FHIT: variants seen among roughly 807,000 people sequenced by gnomAD.
FHIT encodes fragile histidine triad diadenosine triphosphatase, also known as bis(5'-adenosyl)-triphosphatase.
Under a neutral mutation model 17.9 loss-of-function variants are expected in FHIT, and 19 were observed. The observed-to-expected ratio is 1.06, with a 90% CI of 0.74 to 1.56. The LOEUF (loss-of-function observed/expected upper bound fraction) is 1.56. Among genes scored for constraint, FHIT ranks in the 40% most tolerant of loss-of-function variants. The pLI, the probability that FHIT is intolerant of heterozygous loss-of-function variation, is 0.00. For synonymous variants in FHIT, 81 were observed against 69.7 expected (o/e 1.16, Z -0.81); for missense variants, 248 against 189.2 (o/e 1.31, Z -1.82).
intron 5 of FHIT, among the ~76,000 whole-genome samples, chr3:60,059,637 T>C (rs1017660067): frequency 1.3e-5 from 2 of 152,208 alleles, no homozygotes; most frequent in African/African-American, 4.8e-5. Context: ...AGCTGAATTC[T>C]TTCTCAGGAG....
At chr3:60,180,699 T>C (rs1576264061) in intron 5 of FHIT, among the ~76,000 whole-genome samples, 1 of 152,208 alleles carries the variant, frequency 6.6e-6, no homozygotes, top group South Asian at 2.1e-4. Flanking sequence ...CCTTTATAAT[T>C]TGACGTTGAT....
chr3:60,624,792 T>G (rs1309192911), intron 4 of FHIT, among the ~76,000 whole-genome samples: 2 of 152,042 alleles, frequency 1.3e-5, no homozygotes, highest in Non-Finnish European at 2.9e-5. Context: ...TGTTGTAACA[T>G]GTATCAGTAC....
At chr3:60,489,003 T>C (rs1298858523) in intron 5 of FHIT, among the ~76,000 whole-genome samples, 1 of 152,242 alleles carries the variant, frequency 6.6e-6, no homozygotes. Flanking sequence ...ATTTCCATCA[T>C]GGGTCAAGGA....
chr3:60,729,293 AG>A (rs2041980473), intron 4 of FHIT, among the ~76,000 whole-genome samples: 1 of 152,242 alleles, frequency 6.6e-6, no homozygotes. Context: ...GGAAATGAAA[AG>A]AGCCACCATT....
In FHIT at chr3:61,030,361, G is replaced by A. The variant is rs917020318; in HGVS notation, c.-111+11686C>T. The stretch of plus-strand genomic sequence containing the variant: ...AGACATTCATTCGTTCATTCAATAC[G>A]TTTGCGAGATCTGCAGTGTCATTTA... On this transcript the variant is annotated intron_variant, in intron 3 of 9. Transcript: ENST00000492590. Among the ~76,000 whole-genome samples the A allele has an allele frequency of 3.9e-5, 6 of 152,302 alleles. 1 individual carries two copies. In the South Asian group the frequency reaches 8.3e-4, roughly 21 times the overall value.
chr3:59,764,267 C>G (rs1433868276), intron 8 of FHIT, among the ~76,000 whole-genome samples: 1 of 152,134 alleles, frequency 6.6e-6, no homozygotes. Context: ...TGAATGCATA[C>G]CATATGTTTG....
intron 7 of FHIT, among the ~76,000 whole-genome samples, chr3:59,987,073 T>C (rs1709012008): frequency 7.6e-6 from 1 of 131,756 alleles, no homozygotes; most frequent in South Asian, 2.3e-4. Flanking sequence ...TCTATATATA[T>C]CTATATTATA....
chr3:61,219,845 A>C (rs1386566496), intron 1 of FHIT, among the ~76,000 whole-genome samples: 1 of 152,202 alleles, frequency 6.6e-6, no homozygotes, highest in Non-Finnish European at 1.5e-5. Context: ...TCCCTTAAAA[A>C]TAGGTCTGAA....
At chr3:59,883,762 G>A (rs1559696420) in intron 8 of FHIT, among the ~76,000 whole-genome samples, 1 of 152,210 alleles carries the variant, frequency 6.6e-6, no homozygotes, top group Non-Finnish European at 1.5e-5. Flanking sequence ...CTGGAAACTG[G>A]AAACACTACA....
chr3:60,056,416 C>T (rs932385273), intron 5 of FHIT, among the ~76,000 whole-genome samples: 1 of 152,198 alleles, frequency 6.6e-6, no homozygotes, highest in African/African-American at 2.4e-5. Flanking sequence ...GCTATTTGCA[C>T]CACCCTGTCC....
At chr3:60,655,915 G>A (rs576512151) in intron 4 of FHIT, among the ~76,000 whole-genome samples, 8 of 152,260 alleles carry the variant, frequency 5.3e-5, no homozygotes, top group Non-Finnish European at 8.8e-5. Flanking sequence ...GTGACTCCAC[G>A]TTTTGGCTAC....
chr3:61,147,688 G>A (rs2037265535), intron 2 of FHIT, among the ~76,000 whole-genome samples: 1 of 151,920 alleles, frequency 6.6e-6, no homozygotes, highest in Admixed American at 6.6e-5. Flanking sequence ...TACATCCATG[G>A]GTTTAAAATG....
chr3:61,137,574 T>C (rs531325412), intron 2 of FHIT, among the ~76,000 whole-genome samples: 3 of 152,314 alleles, frequency 2.0e-5, no homozygotes, highest in Non-Finnish European at 4.4e-5. Context: ...TAAAGATACC[T>C]GGGGCTACAA....
chr3:60,658,961 C>CG, intron 4 of FHIT, among the ~76,000 whole-genome samples: 1 of 138,188 alleles, frequency 7.2e-6, no homozygotes, highest in Middle Eastern at 3.8e-3. Flanking sequence ...ACTTCCTCAG[C>CG]TTTTTTTTTT....
At chr3:60,527,676 C>T (rs901772162) in intron 5 of FHIT, among the ~76,000 whole-genome samples, 5 of 152,212 alleles carry the variant, frequency 3.3e-5, no homozygotes, top group South Asian at 4.2e-4. Context: ...AATAATAAAG[C>T]CACTAACAGC....
chr3:60,859,904 TG>T (rs1703566843), intron 3 of FHIT, among the ~76,000 whole-genome samples: 1 of 149,962 alleles, frequency 6.7e-6, no homozygotes, highest in Non-Finnish European at 1.5e-5. Context: ...ATTAGCCAGG[TG>T]TGGTGGCACG....
At chr3:60,176,048 G>C (rs1193424631) in intron 5 of FHIT, among the ~76,000 whole-genome samples, 1 of 152,156 alleles carries the variant, frequency 6.6e-6, no homozygotes, top group Non-Finnish European at 1.5e-5. Context: ...TAAACTCAAA[G>C]TTAAATTTAA....
At chr3:60,644,457 A>G (rs1553686191) in intron 4 of FHIT, among the ~76,000 whole-genome samples, 2 of 152,370 alleles carry the variant, frequency 1.3e-5, no homozygotes, top group African/African-American at 4.8e-5. Context: ...ACATTTATTA[A>G]TATGTGTTGA....
chr3:60,861,026 A>G (rs1703783606), intron 3 of FHIT, among the ~76,000 whole-genome samples: 1 of 103,844 alleles, frequency 9.6e-6, no homozygotes, highest in Non-Finnish European at 2.1e-5. Flanking sequence ...ATATATACGT[A>G]TATCATGTAT....
Sources: allele counts gnomAD v4.1 joint callset (sites outside exome capture counted in the v4.1 genomes callset), GRCh38; gene constraint gnomAD v4.1.1; transcripts MANE v1.5; gene names NCBI Gene and HGNC (gene_info 2026-07-23, HGNC 2026-07-21).